The following SLC30A7 variants were observed in gnomAD, a reference collection of about 807,000 sequenced individuals.
SLC30A7 encodes solute carrier family 30 member 7.
A neutral mutation model predicts 46.0 loss-of-function variants in SLC30A7; 35 were observed. That is an observed-to-expected ratio of 0.76 (90% CI 0.58 to 1.01). SLC30A7 has a LOEUF of 1.01. Among genes scored for constraint, SLC30A7 ranks in the 50% least tolerant of loss-of-function variants. The pLI is 0.00. For missense variants in SLC30A7, 464 were observed against 451.1 expected (o/e 1.03, Z -0.26); for synonymous variants, 147 against 157.8 (o/e 0.93, Z 0.51).
At chr1:100,956,490 C>G (rs757300176) in intron 8 of SLC30A7, among the ~76,000 whole-genome samples, 1 of 152,046 alleles carries the variant, frequency 6.6e-6, no homozygotes, top group East Asian at 1.9e-4. Flanking sequence ...GATGTTTTTT[C>G]TAGGTGACTT....
At chr1:100,993,393 A>G in the SLC30A7 span, among the ~76,000 whole-genome samples, 1 of 151,474 alleles carries the variant, frequency 6.6e-6, no homozygotes, top group Non-Finnish European at 1.5e-5. Flanking sequence ...TCTACTAAAA[A>G]TAAAAAAAAT....
At chr1:100,910,944 C>A in intron 3 of SLC30A7, 119 bp from the exon 4 acceptor site, 2 of 704,140 alleles carry the variant, frequency 2.8e-6, no homozygotes, top group African/African-American at 1.8e-5. Flanking sequence ...AACACTAGGG[C>A]TTCGCTGGCC....
At chr1:100,915,407 T>C (rs79188219) in intron 6 of SLC30A7, among the ~76,000 whole-genome samples, 2 of 152,070 alleles carry the variant, frequency 1.3e-5, no homozygotes, top group African/African-American at 4.8e-5. Context: ...ACTGAAACTT[T>C]GTACCCTTTG....
chr1:100,987,002 C>G, the SLC30A7 span, among the ~76,000 whole-genome samples: 8 of 152,148 alleles, frequency 5.3e-5, no homozygotes, highest in Non-Finnish European at 7.4e-5. Context: ...CATCCTTTCC[C>G]TGCTGAGTAG....
chr1:100,969,000 G>C (rs1208661193), intron 10 of SLC30A7, among the ~76,000 whole-genome samples: 1 of 152,152 alleles, frequency 6.6e-6, no homozygotes, highest in Admixed American at 6.5e-5. Flanking sequence ...TTCTGATAAA[G>C]AGAAATGTGT....
At chr1:100,936,460 T>G (rs1470035452) in intron 8 of SLC30A7, among the ~76,000 whole-genome samples, 1 of 152,224 alleles carries the variant, frequency 6.6e-6, no homozygotes, top group Non-Finnish European at 1.5e-5. Flanking sequence ...TAAGTCTCAG[T>G]GGTACCAAAT....
In SLC30A7 at chr1:100,958,241, A is replaced by G. The variant is rs569473780; in HGVS notation, c.843-3587A>G. Reference sequence around the variant, plus strand: ...ACCCAGGCTGGAGTGCAGTGGCCCTATCTCGGCTCACTGCAAGCTCCACCT... The same window carrying G: ...ACCCAGGCTGGAGTGCAGTGGCCCTGTCTCGGCTCACTGCAAGCTCCACCT... On this transcript the variant is annotated intron_variant, in intron 8 of 10. Coordinates refer to ENST00000357650, the MANE Select transcript of SLC30A7 (RefSeq NM_133496.5). Among the ~76,000 whole-genome samples, 93 of 151,848 alleles carry G rather than the reference A, an allele frequency of 6.1e-4. 1 individual carries two copies. The highest frequency in any genetic ancestry group is 2.1e-3 in the African/African-American group (85 of 41,402).
intron 8 of SLC30A7, among the ~76,000 whole-genome samples, chr1:100,945,825 C>G (rs1654602914): frequency 6.6e-6 from 1 of 152,118 alleles, no homozygotes; most frequent in Non-Finnish European, 1.5e-5. Context: ...TCTGTGAAGA[C>G]AGTCCTTGGT....
At chr1:100,961,163 G>A (rs1342314309) in intron 8 of SLC30A7, among the ~76,000 whole-genome samples, 2 of 150,976 alleles carry the variant, frequency 1.3e-5, no homozygotes, top group South Asian at 2.1e-4. Flanking sequence ...GGGTTTCACC[G>A]TGTTAGCCAG....
At chr1:100,946,834 T>C (rs1038976225) in intron 8 of SLC30A7, among the ~76,000 whole-genome samples, 1 of 152,314 alleles carries the variant, frequency 6.6e-6, no homozygotes, top group South Asian at 2.1e-4. Context: ...TCTTTTTCTA[T>C]TGATTGGAAT....
chr1:100,955,528 G>T (rs1322456173), intron 8 of SLC30A7, among the ~76,000 whole-genome samples: 3 of 152,016 alleles, frequency 2.0e-5, no homozygotes, highest in African/African-American at 4.8e-5. Context: ...CTAGAATTGG[G>T]TTAGTCAACC....
chr1:100,950,191 C>G (rs149105505), intron 8 of SLC30A7, among the ~76,000 whole-genome samples: 1 of 152,190 alleles, frequency 6.6e-6, no homozygotes, highest in Non-Finnish European at 1.5e-5. Context: ...ATAGCCTGCC[C>G]TTAAATTAAT....
At chr1:100,913,951 T>C in intron 6 of SLC30A7, 145 bp downstream of exon 6, 1 of 1,224,562 alleles carries the variant, frequency 8.2e-7, no homozygotes, top group Non-Finnish European at 1.1e-6. Context: ...CCAGGGCTAG[T>C]TTATTTTTTG....
intron 5 of SLC30A7, among the ~76,000 whole-genome samples, chr1:100,913,158 A>G (rs1335931980): frequency 6.6e-6 from 1 of 152,158 alleles, no homozygotes; most frequent in East Asian, 1.9e-4. Flanking sequence ...ACCTGCTTTA[A>G]TGTAATTTTA....
chr1:100,914,756 G>A (rs1023670186), intron 6 of SLC30A7, among the ~76,000 whole-genome samples: 7 of 152,064 alleles, frequency 4.6e-5, no homozygotes, highest in Admixed American at 3.3e-4. Context: ...TAAAGCTTTA[G>A]AATTGAAAAT....
Position 100,912,184 on chromosome 1 carries a change from C to G in SLC30A7, c.457C>G (p.Leu153Val). 1.2e-6 allele frequency: 2 copies of G among 1,613,794 alleles called. No homozygotes were observed. The highest frequency in any genetic ancestry group is 1.7e-5 in the Admixed American group (1 of 60,028). Reference protein sequence around the residue: ...LVSILGFVVNLIGIFVFKHGG... With the variant: ...LVSILGFVVNVIGIFVFKHGG... Reference sequence around the variant, plus strand: ...TTCCATTCTTGGGTTTGTGGTAAACCTAATAGGAATATTTGTTTTCAAACA... The same window carrying G: ...TTCCATTCTTGGGTTTGTGGTAAACGTAATAGGAATATTTGTTTTCAAACA... The change falls in exon 5 of 11, where the codon CTA (leucine) becomes GTA (valine). Residue 153 changes from leucine to valine, a missense_variant. Leu to Val is a conservative substitution (Grantham distance 32, BLOSUM62 1). Transcript: ENST00000357650.
intron 6 of SLC30A7, among the ~76,000 whole-genome samples, chr1:100,915,205 CTTT>C (rs1557981269): frequency 1.8e-5 from 2 of 111,988 alleles, no homozygotes; most frequent in African/African-American, 6.7e-5. Flanking sequence ...TTCTTTCTTT[CTTT>C]CTTTCTTTCT....
chr1:100,937,809 T>G (rs537375461), intron 8 of SLC30A7, among the ~76,000 whole-genome samples: 5 of 152,334 alleles, frequency 3.3e-5, no homozygotes, highest in Non-Finnish European at 5.9e-5. Flanking sequence ...TGGTGTCATA[T>G]CTGAGAAATC....
rs1294245239 is a variant in SLC30A7, at chr1:100,976,951, C to G, written c.*2094C>G. 6.6e-6 allele frequency: 1 copy of G among 152,430 alleles called. No homozygotes were observed. Among genetic ancestry groups the G allele is most frequent in the African/African-American group, 2.4e-5 (1 of 41,362 alleles). 9.4% of individuals were successfully genotyped at this position (152,430 alleles called of 1,614,324 possible). ...AAAACAACTGTTGAGGTCTTTTAAG[C>G]AGGAAAGTTCAAAAGGAAGTGTCCT... On this transcript the variant is annotated 3_prime_UTR_variant, in exon 11 of 11. Coordinates refer to ENST00000357650, the MANE Select transcript of SLC30A7 (RefSeq NM_133496.5).
Sources: gnomAD v4.1 joint callset for allele counts (sites outside exome capture counted in the v4.1 genomes callset) on GRCh38, gnomAD v4.1.1 for gene constraint, MANE v1.5 for transcripts, NCBI Gene and HGNC (gene_info 2026-07-23, HGNC 2026-07-21) for gene names.